Variants in ALMS1 observed in about 807,000 individuals in gnomAD.
The protein encoded by ALMS1 is centrosome-associated protein ALMS1.
Under a neutral mutation model 352.2 loss-of-function variants are expected in ALMS1, and 271 were observed. That is an observed-to-expected ratio of 0.77 (90% confidence interval 0.70 to 0.85). ALMS1 has a LOEUF of 0.85. ALMS1 is among the 40% of genes least tolerant of loss of function. The pLI is 0.00. For missense variants in ALMS1, 5,445 were observed against 4,870.7 expected (o/e 1.12, Z -3.51); for synonymous variants, 1,865 against 1,761.2 (o/e 1.06, Z -1.48).
chr2:73,522,302 A>G (rs1673697938), intron 11 of ALMS1, among the ~76,000 whole-genome samples: 2 of 152,192 alleles, frequency 1.3e-5, no homozygotes, highest in South Asian at 4.1e-4. Flanking sequence ...ATCAAGCTTA[A>G]TATATACCGA....
At chr2:73,416,021 A>G (rs1372420000) in intron 2 of ALMS1, among the ~76,000 whole-genome samples, 2 of 152,206 alleles carry the variant, frequency 1.3e-5, no homozygotes, top group Non-Finnish European at 2.9e-5. Flanking sequence ...GAGGATGGAC[A>G]GAAAGACTAA....
At chr2:73,480,512 T>C (rs1336519645) in intron 9 of ALMS1, among the ~76,000 whole-genome samples, 2 of 152,184 alleles carry the variant, frequency 1.3e-5, no homozygotes, top group Non-Finnish European at 2.9e-5. Context: ...TCTTTGCTAT[T>C]GTGAATAATG....
intron 10 of ALMS1, among the ~76,000 whole-genome samples, chr2:73,492,487 A>T (rs756415712): frequency 1.2e-4 from 19 of 152,178 alleles, no homozygotes; most frequent in Admixed American, 9.2e-4. Flanking sequence ...GTTTAATCAG[A>T]GTAAGGATTT....
chr2:73,489,827 G>C lies in ALMS1; in HGVS notation c.7868G>C (p.Arg2623Thr). 6.2e-7 allele frequency: 1 copy of C among 1,614,116 alleles called. No individual in the cohort carries two copies. The highest frequency in any genetic ancestry group is 8.5e-7 in the Non-Finnish European group (1 of 1,180,032). Residue 2623 changes from arginine to threonine, a missense_variant, in exon 10 of 23, where the codon AGA (arginine) becomes ACA (threonine). Physicochemically the swap from Arg to Thr is moderately conservative, Grantham distance 71. Coordinates refer to ENST00000613296, the MANE Select transcript of ALMS1 (RefSeq NM_001378454.1). ...GGACGGCAGAACCCATCATCATGCAGAGCCAAGCATGTCAACCTTTCTGCA... is the reference window on the plus strand; with the variant it reads ...GGACGGCAGAACCCATCATCATGCACAGCCAAGCATGTCAACCTTTCTGCA... The part of the protein sequence containing the change: ...TRGRQNPSSC[R>T]AKHVNLSASL...
Position 73,572,297 on chromosome 2 carries a change from C to G in ALMS1, c.10420C>G (p.Arg3474Gly). 1 of 1,607,968 alleles carries G rather than the reference C, an allele frequency of 6.2e-7. No individual in the cohort carries two copies. Among genetic ancestry groups the G allele is most frequent in the Non-Finnish European group, 8.5e-7 (1 of 1,178,108 alleles). The change falls in exon 16 of 23, where the codon CGT becomes GGT. Residue 3474 changes from arginine (R) to glycine (G), a missense_variant. Arg to Gly is a moderately radical substitution (Grantham distance 125). Coordinates refer to ENST00000613296, the MANE Select transcript of ALMS1 (RefSeq NM_001378454.1). The part of the protein sequence containing the change: ...ECHSEFENTT[R>G]SVFRSAKFYI... ...TCATTCAGAATTTGAAAATACTACC[C>G]GTTCTGTCTTCAGGTCAGCAAAGTT...
At chr2:73,475,437 G>A (rs1672563089) in intron 9 of ALMS1, among the ~76,000 whole-genome samples, 1 of 152,032 alleles carries the variant, frequency 6.6e-6, no homozygotes, top group South Asian at 2.1e-4. Flanking sequence ...GTGTTAAGGG[G>A]TATTTATTGT....
intron 7 of ALMS1, among the ~76,000 whole-genome samples, chr2:73,444,522 G>A (rs1013905170): frequency 6.6e-6 from 1 of 152,196 alleles, no homozygotes; most frequent in African/African-American, 2.4e-5. Context: ...AAAGAACTTA[G>A]TGATAGCAAC....
At chr2:73,578,993 T>C (rs1364083609) in intron 16 of ALMS1, among the ~76,000 whole-genome samples, 1 of 151,976 alleles carries the variant, frequency 6.6e-6, no homozygotes, top group Non-Finnish European at 1.5e-5. Context: ...TATCATTCCT[T>C]ATAGGGAAGG....
chr2:73,516,408 C>T (rs1673555981), intron 10 of ALMS1, among the ~76,000 whole-genome samples: 1 of 152,190 alleles, frequency 6.6e-6, no homozygotes, highest in Non-Finnish European at 1.5e-5. Context: ...GAGCTTAAAA[C>T]AGAACTACCA....
intron 9 of ALMS1, among the ~76,000 whole-genome samples, chr2:73,485,638 C>G (rs1053193634): frequency 2.6e-5 from 4 of 152,350 alleles, no homozygotes; most frequent in Non-Finnish European, 5.9e-5. Flanking sequence ...TTTACCTAAG[C>G]AAGCCTGGGC....
chr2:73,597,240 T>C (rs905298088), intron 16 of ALMS1, among the ~76,000 whole-genome samples: 24 of 152,324 alleles, frequency 1.6e-4, no homozygotes, highest in African/African-American at 5.8e-4. Context: ...CTTGCTAGAA[T>C]GTAGATATAC....
rs776862200 is a variant in ALMS1 at position 73,573,005 on chromosome 2, A to C, written c.11128A>C (p.Lys3710Gln). 1.2e-6 allele frequency: 2 copies of C among 1,614,092 alleles called. No homozygotes were observed. Among genetic ancestry groups the C allele is most frequent in the African/African-American group, 2.7e-5 (2 of 75,048 alleles). The change falls in exon 16 of 23, where the codon AAA (lysine) becomes CAA (glutamine). Residue 3710 changes from lysine to glutamine, a missense_variant. Lys to Gln is a moderately conservative substitution (Grantham distance 53). Coordinates refer to ENST00000613296, the MANE Select transcript of ALMS1 (RefSeq NM_001378454.1). Reference protein sequence around the residue: ...HHRAGRSNQIKIEQIKFDKYI... With the variant: ...HHRAGRSNQIQIEQIKFDKYI... ...TCGAGCTGGGAGGTCTAATCAAATT[A>C]AAATTGAACAGATTAAATTTGATAA...
At chr2:73,553,016 A>G (rs1674470662) in intron 13 of ALMS1, among the ~76,000 whole-genome samples, 1 of 152,244 alleles carries the variant, frequency 6.6e-6, no homozygotes, top group African/African-American at 2.4e-5. Context: ...TAGTATAGGA[A>G]TAAATTTCAG....
intron 10 of ALMS1, among the ~76,000 whole-genome samples, chr2:73,517,429 T>G (rs1406013438): frequency 6.6e-6 from 1 of 151,146 alleles, no homozygotes; most frequent in East Asian, 2.0e-4. Context: ...TTTTTATGTT[T>G]TGTAGAGACG....
At chr2:73,494,272 C>A (rs1416913760) in intron 10 of ALMS1, among the ~76,000 whole-genome samples, 1 of 152,126 alleles carries the variant, frequency 6.6e-6, no homozygotes, top group Non-Finnish European at 1.5e-5. Flanking sequence ...AGCTCTCACC[C>A]AAGGGTTGGG....
intron 7 of ALMS1, among the ~76,000 whole-genome samples, chr2:73,444,769 TC>T (rs1671775182): frequency 6.6e-6 from 1 of 152,180 alleles, no homozygotes; most frequent in South Asian, 2.1e-4. Context: ...AATAAGGGTA[TC>T]AAAAATCCTG....
intron 1 of ALMS1, among the ~76,000 whole-genome samples, chr2:73,402,045 TGTGTGA>T (rs934806044): frequency 5.4e-4 from 76 of 139,458 alleles, no homozygotes; most frequent in African/African-American, 1.3e-3. Flanking sequence ...TGTGTGTGTG[TGTGTGA>T]GTGTGAGTGT....
Position 73,426,468 on chromosome 2 carries a change from A to G in ALMS1, c.1253A>G (p.Lys418Arg). 1 of 1,614,106 alleles carries G rather than the reference A, an allele frequency of 6.2e-7. No homozygotes were observed. Among genetic ancestry groups the G allele is most frequent in the Non-Finnish European group, 8.5e-7 (1 of 1,179,942 alleles). Residue 418 changes from lysine (K) to arginine (R), a missense_variant, in exon 6 of 23, where the codon AAG becomes AGG. Physicochemically the swap from Lys to Arg is conservative, Grantham distance 26 (BLOSUM62 2). Coordinates refer to ENST00000613296, the MANE Select transcript of ALMS1 (RefSeq NM_001378454.1). ...ETYLTKGLQG[K>R]VESDVITLDG... is the part of the protein sequence containing the mutation. ...TATTTTGTAGAGGGCCTGCAGGGGA[A>G]GGTTGAGTCTGACGTCATTACTCTG... is the stretch of plus-strand genomic sequence containing the variant.
intron 10 of ALMS1, among the ~76,000 whole-genome samples, chr2:73,493,561 A>G (rs1053181122): frequency 6.6e-6 from 1 of 151,992 alleles, no homozygotes; most frequent in Non-Finnish European, 1.5e-5. Context: ...CATCTCTACT[A>G]AAAATACAAA....
Sources: gnomAD v4.1 joint callset for allele counts (sites outside exome capture counted in the v4.1 genomes callset) on GRCh38, gnomAD v4.1.1 for gene constraint, MANE v1.5 for transcripts, NCBI Gene and HGNC (gene_info 2026-07-23, HGNC 2026-07-21) for gene names.